COL15A1: variants seen among roughly 807,000 people sequenced by gnomAD.
COL15A1 encodes collagen type XV alpha 1 chain, also known as collagen alpha-1(XV) chain.
In COL15A1, 111 loss-of-function variants were observed where a neutral mutation model predicts 165.9. That is an observed-to-expected ratio of 0.67 (90% CI 0.57 to 0.78). The LOEUF (loss-of-function observed/expected upper bound fraction) is 0.78, where lower values mean the gene tolerates loss of function less well. Among genes scored for constraint, COL15A1 ranks in the 30% least tolerant of loss-of-function variants. COL15A1 has a pLI of 0.00. For synonymous variants in COL15A1, 659 were observed against 674.8 expected (o/e 0.98, Z 0.36); for missense variants, 1,745 against 1,789.7 (o/e 0.98, Z 0.45).
intron 14 of COL15A1, among the ~76,000 whole-genome samples, chr9:99,024,261 A>G (rs777251883): frequency 7.7e-5 from 11 of 143,758 alleles, no homozygotes; most frequent in Non-Finnish European, 1.4e-4. Context: ...AGGCTACACC[A>G]CAAGCAGTTT....
chr9:99,024,727 G>A, intron 14 of COL15A1, 147 bp from the exon 15 acceptor site: 1 of 803,370 alleles, frequency 1.2e-6, no homozygotes, highest in Non-Finnish European at 1.9e-6. Context: ...TGGTCTCACT[G>A]AGCCTTATTT....
At chr9:98,998,078 A>G (rs943507442) in intron 6 of COL15A1, among the ~76,000 whole-genome samples, 1 of 152,166 alleles carries the variant, frequency 6.6e-6, no homozygotes, top group Non-Finnish European at 1.5e-5. Context: ...TATGTCTATG[A>G]CCCTAATTTT....
In COL15A1 at chr9:99,024,280, TTTTTG is replaced by T. The variant is rs1564064389; in HGVS notation, c.1855-589_1855-585del. Among the ~76,000 whole-genome samples, 84 of 136,882 alleles carry T rather than the reference TTTTTG, an allele frequency of 6.1e-4. 9 individuals are homozygous for T. The highest frequency in any genetic ancestry group is 4.9e-3 in the South Asian group (18 of 3,660). 89.8% of individuals were successfully genotyped at this position (136,882 alleles called of 152,430 possible). A position where few individuals can be genotyped will look rare whatever the true frequency, so the allele number is the denominator to read the frequency against. ...TACACCACAAGCAGTTTTTTTTGTT[TTTTTG>T]TTTTTTTTTTTTTGAGATGGAGTCT... On this transcript the variant is annotated intron_variant, in intron 14 of 41. Transcript: ENST00000375001.
In COL15A1 at chr9:99,022,122, CT is replaced by C; in HGVS notation, c.1734del (p.Glu579AsnfsTer19). 6.2e-7 allele frequency: 1 copy of C among 1,614,134 alleles called. No homozygotes were observed. Among genetic ancestry groups the C allele is most frequent in the Non-Finnish European group, 8.5e-7 (1 of 1,179,996 alleles). On this transcript the variant is annotated frameshift_variant, in exon 13 of 42. Coordinates refer to ENST00000375001, the MANE Select transcript of COL15A1 (RefSeq NM_001855.5). LOFTEE classifies it high-confidence loss of function. ...GDAGEELPGP[P>X]EPSGPVGPTA... Reference sequence around the variant, plus strand: ...GCTGGGGAGGAGCTTCCTGGCCCTCCTGAACCTTCTGGGCCTGTTGGACCCA... The same window carrying C: ...GCTGGGGAGGAGCTTCCTGGCCCTCCGAACCTTCTGGGCCTGTTGGACCCA...
intron 12 of COL15A1, among the ~76,000 whole-genome samples, chr9:99,020,684 TG>T (rs1839011273): frequency 6.6e-6 from 1 of 152,230 alleles, no homozygotes; most frequent in African/African-American, 2.4e-5. Flanking sequence ...CCGTGGGCCT[TG>T]GCTTCTCTGT....
chr9:99,064,829 T>C (rs758834956), intron 39 of COL15A1, among the ~76,000 whole-genome samples: 6 of 152,194 alleles, frequency 3.9e-5, no homozygotes, highest in Non-Finnish European at 5.9e-5. Flanking sequence ...AATGTGAGTG[T>C]CAGTAACCCT....
At chr9:99,067,942 C>A (rs79543349) in intron 40 of COL15A1, among the ~76,000 whole-genome samples, 4,272 of 152,160 alleles carry the variant, frequency 0.028, 85 homozygotes, top group Middle Eastern at 0.065. Context: ...ATAATATTTT[C>A]AAAATAACAA....
intron 32 of COL15A1, 34 bp from the exon 33 acceptor site, chr9:99,055,068 C>T: frequency 6.4e-7 from 1 of 1,571,296 alleles, no homozygotes; most frequent in Non-Finnish European, 8.8e-7. Context: ...TCTGAAATTA[C>T]AATCGTGAAT....
chr9:99,048,094 A>C (rs1839524025), intron 28 of COL15A1, 94 bp downstream of exon 28: 2 of 763,356 alleles, frequency 2.6e-6, no homozygotes. Flanking sequence ...CTGAATGTTC[A>C]GGAATGTTGT....
At chr9:99,037,101 C>T (rs1424966598) in intron 21 of COL15A1, among the ~76,000 whole-genome samples, 2 of 152,176 alleles carry the variant, frequency 1.3e-5, no homozygotes, top group Non-Finnish European at 2.9e-5. Flanking sequence ...TCTCCAAAAT[C>T]CCACATGGGA....
intron 11 of COL15A1, among the ~76,000 whole-genome samples, chr9:99,018,017 A>T (rs189745721): frequency 6.1e-4 from 93 of 152,236 alleles, no homozygotes; most frequent in Non-Finnish European, 8.2e-4. Context: ...TCAAAAATCA[A>T]CCCCAAACAT....
At chr9:99,066,700 C>T (rs1235219634) in intron 39 of COL15A1, among the ~76,000 whole-genome samples, 182 bp from the exon 40 acceptor site, 1 of 145,286 alleles carries the variant, frequency 6.9e-6, no homozygotes, top group East Asian at 2.1e-4. Flanking sequence ...CCATAGCTCT[C>T]CTTCCCCGGA....
chr9:99,034,465 A>G (rs1343210817), intron 16 of COL15A1, 84 bp from the exon 17 acceptor site: 2 of 1,504,342 alleles, frequency 1.3e-6, no homozygotes, highest in Admixed American at 4.5e-5. Context: ...ATTTCCTTGG[A>G]GTCCATAATT....
intron 7 of COL15A1, among the ~76,000 whole-genome samples, chr9:99,002,491 G>A (rs1838678658): frequency 6.6e-6 from 1 of 152,204 alleles, no homozygotes; most frequent in Non-Finnish European, 1.5e-5. Flanking sequence ...GTCCTGTATG[G>A]TTTCTTACAC....
intron 34 of COL15A1, 24 bp from the exon 35 acceptor site, chr9:99,056,236 G>A (rs1191418900): frequency 3.7e-6 from 6 of 1,612,466 alleles, no homozygotes; most frequent in East Asian, 2.2e-5. Flanking sequence ...CTTTCTCTCT[G>A]TTATTGTGTG....
chr9:99,012,424 G>C (rs1018414496), intron 9 of COL15A1, among the ~76,000 whole-genome samples: 5 of 152,154 alleles, frequency 3.3e-5, no homozygotes, highest in African/African-American at 1.2e-4. Context: ...TAAATGTCTG[G>C]ATGCAAACAG....
chr9:99,042,181 G>A (rs1402615654), intron 24 of COL15A1, 74 bp downstream of exon 24: 5 of 1,031,108 alleles, frequency 4.8e-6, no homozygotes, highest in East Asian at 2.4e-5. Flanking sequence ...GCTGAAAATA[G>A]CTATTAACTT....
At chr9:98,996,089 A>G (rs1233900428) in intron 5 of COL15A1, among the ~76,000 whole-genome samples, 3 of 152,228 alleles carry the variant, frequency 2.0e-5, no homozygotes, top group Non-Finnish European at 2.9e-5. Flanking sequence ...TGAATTAAGG[A>G]AATAACCTTC....
chr9:99,062,997 G>A, intron 38 of COL15A1, 53 bp from the exon 39 acceptor site: 1 of 1,562,432 alleles, frequency 6.4e-7, no homozygotes, highest in East Asian at 2.4e-5. Flanking sequence ...ACACTCTGAA[G>A]AACAGATTGA....
Sources: allele counts gnomAD v4.1 joint callset (sites outside exome capture counted in the v4.1 genomes callset), GRCh38; gene constraint gnomAD v4.1.1; transcripts MANE v1.5; gene names NCBI Gene and HGNC (gene_info 2026-07-23, HGNC 2026-07-21).